Variants in SCRG1 observed in about 807,000 individuals in gnomAD.
SCRG1 encodes stimulator of chondrogenesis 1, also known as scrapie-responsive protein 1.
SCRG1 carries 3 observed loss-of-function variants against 7.7 expected under a neutral mutation model. That is an observed-to-expected ratio of 0.39 (90% CI 0.18 to 1.01). SCRG1 has a LOEUF of 1.01. Among genes scored for constraint, SCRG1 ranks in the 50% least tolerant of loss-of-function variants. The pLI is 0.36. For synonymous variants in SCRG1, 46 were observed against 41.2 expected (o/e 1.12, Z -0.44); for missense variants, 110 against 117.2 (o/e 0.94, Z 0.28).
At chr4:173,392,764 C>T (rs1055095531) in intron 1 of SCRG1, among the ~76,000 whole-genome samples, 1 of 152,086 alleles carries the variant, frequency 6.6e-6, no homozygotes, top group Non-Finnish European at 1.5e-5. Flanking sequence ...AGAGGGAAAA[C>T]AGATGGAGGA....
the SCRG1 span, among the ~76,000 whole-genome samples, chr4:173,457,776 T>C: frequency 1.3e-5 from 2 of 151,418 alleles, no homozygotes. Flanking sequence ...GTGACACTTA[T>C]ACCTATACTA....
At chr4:173,410,137 T>C (rs1442689315), upstream of SCRG1, among the ~76,000 whole-genome samples, 1 of 152,190 alleles carries the variant, frequency 6.6e-6, no homozygotes, top group African/African-American at 2.4e-5. Flanking sequence ...GACTGAGGTC[T>C]CCCAAGAAGA....
chr4:173,488,495 G>A, the SCRG1 span, among the ~76,000 whole-genome samples: 7 of 152,118 alleles, frequency 4.6e-5, no homozygotes, highest in African/African-American at 1.2e-4. Flanking sequence ...GAAATAGAGC[G>A]TTCTAAAATT....
intron 2 of SCRG1, 86 bp from the exon 3 acceptor site, chr4:173,388,481 T>C: frequency 1.1e-6 from 1 of 892,086 alleles, no homozygotes; most frequent in Non-Finnish European, 1.7e-6. Flanking sequence ...GACAGTGATT[T>C]CCAGGATTTC....
chr4:173,416,503 G>T, the SCRG1 span, among the ~76,000 whole-genome samples: 1 of 152,322 alleles, frequency 6.6e-6, no homozygotes, highest in African/African-American at 2.4e-5. Context: ...CTGTGGTCCG[G>T]GTGACTGAGG....
chr4:173,450,985 T>G, the SCRG1 span, among the ~76,000 whole-genome samples: 1 of 152,122 alleles, frequency 6.6e-6, no homozygotes, highest in East Asian at 1.9e-4. Context: ...GGGGAGGAGC[T>G]AAAGACGTAC....
At chr4:173,490,397 G>C in the SCRG1 span, among the ~76,000 whole-genome samples, 1 of 152,114 alleles carries the variant, frequency 6.6e-6, no homozygotes, top group African/African-American at 2.4e-5. Context: ...GCTTCATTAA[G>C]AACACTGGAT....
At chr4:173,401,387 C>T (rs181975168), upstream of SCRG1, among the ~76,000 whole-genome samples, 1 of 152,148 alleles carries the variant, frequency 6.6e-6, no homozygotes, top group African/African-American at 2.4e-5. Context: ...GCCTTTATTC[C>T]ACTTTAAGAG....
At chr4:173,462,952 C>T in the SCRG1 span, among the ~76,000 whole-genome samples, 4 of 151,970 alleles carry the variant, frequency 2.6e-5, no homozygotes, top group African/African-American at 7.3e-5. Context: ...AAACATACAA[C>T]GGACACACAA....
the SCRG1 span, among the ~76,000 whole-genome samples, chr4:173,470,669 T>C: frequency 2.0e-5 from 3 of 152,242 alleles, no homozygotes; most frequent in Non-Finnish European, 4.4e-5. Context: ...CTGAATTAAG[T>C]AACTTGATTT....
chr4:173,428,161 G>C, the SCRG1 span, among the ~76,000 whole-genome samples: 8 of 152,174 alleles, frequency 5.3e-5, no homozygotes, highest in Non-Finnish European at 1.0e-4. Flanking sequence ...CTGATTTTGG[G>C]TTAACACTCC....
At chr4:173,492,161 AC>A in the SCRG1 span, among the ~76,000 whole-genome samples, 5 of 151,860 alleles carry the variant, frequency 3.3e-5, no homozygotes, top group Non-Finnish European at 7.3e-5. Context: ...AAAAAAGAGG[AC>A]AATATAAAAT....
chr4:173,389,533 C>T (rs1015803701), intron 2 of SCRG1: 27 of 180,006 alleles, frequency 1.5e-4, no homozygotes, highest in Non-Finnish European at 2.6e-4. Flanking sequence ...AAGATTCCGT[C>T]TCAAAACAAA....
At chr4:173,483,597 G>A in the SCRG1 span, among the ~76,000 whole-genome samples, 1 of 59,474 alleles carries the variant, frequency 1.7e-5, no homozygotes, top group African/African-American at 6.3e-5. Context: ...ATATTATATT[G>A]TGATATATAA....
At chr4:173,471,322 T>G in the SCRG1 span, among the ~76,000 whole-genome samples, 1 of 152,288 alleles carries the variant, frequency 6.6e-6, no homozygotes, top group South Asian at 2.1e-4. Flanking sequence ...TTTCTAGGCT[T>G]TTTGATTATG....
At chr4:173,395,403 G>T (rs1001819597) in intron 1 of SCRG1, among the ~76,000 whole-genome samples, 1 of 152,186 alleles carries the variant, frequency 6.6e-6, no homozygotes, top group African/African-American at 2.4e-5. Context: ...AAGAATATAT[G>T]GACTTCTTGG....
At chr4:173,497,130 C>A in the SCRG1 span, among the ~76,000 whole-genome samples, 5 of 151,936 alleles carry the variant, frequency 3.3e-5, no homozygotes, top group African/African-American at 1.2e-4. Context: ...ACAACAACAA[C>A]AAAAAAGAAG....
At chr4:173,420,451 A>C in the SCRG1 span, among the ~76,000 whole-genome samples, 1 of 152,284 alleles carries the variant, frequency 6.6e-6, no homozygotes, top group East Asian at 1.9e-4. Context: ...AACACTTCTG[A>C]AAGAATGGTA....
At chr4:173,451,646 ATTTAT>A in the SCRG1 span, among the ~76,000 whole-genome samples, 1 of 101,306 alleles carries the variant, frequency 9.9e-6, no homozygotes, top group African/African-American at 4.4e-5. Flanking sequence ...TTATTTATTT[ATTTAT>A]TTATTTATTT....
Sources: allele counts gnomAD v4.1 joint callset (sites outside exome capture counted in the v4.1 genomes callset), GRCh38; gene constraint gnomAD v4.1.1; transcripts MANE v1.5; gene names NCBI Gene and HGNC (gene_info 2026-07-23, HGNC 2026-07-21).